The following RAB18 variants were observed in gnomAD, a reference collection of about 807,000 sequenced individuals.
RAB18 encodes the protein ras-related protein Rab-18.
Under a neutral mutation model 28.5 loss-of-function variants are expected in RAB18, and 10 were observed. The ratio of observed to expected loss-of-function variants is 0.35; its 90% CI spans 0.22 to 0.60. The LOEUF (loss-of-function observed/expected upper bound fraction) is 0.60, where lower values mean the gene tolerates loss of function less well. RAB18 is among the 20% of genes least tolerant of loss of function. The pLI is 0.78. For missense variants in RAB18, 188 were observed against 244.2 expected, an observed-to-expected ratio of 0.77 and a Z score of 1.53; for synonymous variants, 93 against 86.9, an observed-to-expected ratio of 1.07 and a Z score of -0.39.
intron 2 of RAB18, among the ~76,000 whole-genome samples, chr10:27,513,081 G>A (rs1210820244): frequency 1.3e-5 from 2 of 148,966 alleles, no homozygotes; most frequent in East Asian, 2.0e-4. Context: ...TGCCCAGGCC[G>A]GAGTGCAGTG....
chr10:27,525,432 T>TTC (rs771748916), intron 2 of RAB18, among the ~76,000 whole-genome samples: 8 of 151,872 alleles, frequency 5.3e-5, no homozygotes, highest in African/African-American at 1.2e-4. Flanking sequence ...CTTTGCTTTT[T>TTC]TTTTTTTAAA....
chr10:27,505,371 T>C (rs895597522), intron 1 of RAB18, among the ~76,000 whole-genome samples: 1 of 152,220 alleles, frequency 6.6e-6, no homozygotes, highest in African/African-American at 2.4e-5. Flanking sequence ...ATATTTTAGC[T>C]ATACCTTCTG....
At chr10:27,525,650 C>T (rs144741617) in intron 2 of RAB18, among the ~76,000 whole-genome samples, 2 of 152,188 alleles carry the variant, frequency 1.3e-5, no homozygotes, top group East Asian at 1.9e-4. Context: ...AATGGTTGCC[C>T]ATCATTCTAG....
chr10:27,521,339 A>G (rs1419261910), intron 2 of RAB18, among the ~76,000 whole-genome samples: 3 of 152,192 alleles, frequency 2.0e-5, no homozygotes, highest in Admixed American at 6.5e-5. Context: ...TACACTATTC[A>G]TAATTGGAAG....
At chr10:27,504,783 G>T (rs141112083) in intron 1 of RAB18, 4 of 543,598 alleles carry the variant, frequency 7.4e-6, no homozygotes, top group Admixed American at 2.3e-5. Flanking sequence ...CCGGCCGGGG[G>T]CGCCTTGCCT....
rs1487982355 is a variant in RAB18, at chr10:27,504,305, C to T, written c.-65C>T. Reference sequence around the variant, plus strand: ...AGCGGCGCGCATGCGCAGCAGCTCACTCTGCTGAAGGGCTGAGAGGCGCAC... The same window carrying T: ...AGCGGCGCGCATGCGCAGCAGCTCATTCTGCTGAAGGGCTGAGAGGCGCAC... On this transcript the variant is annotated 5_prime_UTR_variant, in exon 1 of 7. Coordinates refer to ENST00000356940, the MANE Select transcript of RAB18 (RefSeq NM_021252.5). 2.7e-6 allele frequency: 4 copies of T among 1,484,202 alleles called. No homozygotes were observed. The South Asian group carries it at 4.8e-5, about 18-fold the overall frequency. 91.9% of individuals were successfully genotyped at this position (1,484,202 alleles called of 1,614,324 possible). A position where few individuals can be genotyped will look rare whatever the true frequency, so the allele number is the denominator to read the frequency against.
intron 6 of RAB18, among the ~76,000 whole-genome samples, chr10:27,534,460 C>G (rs1196168154): frequency 6.6e-6 from 1 of 152,238 alleles, no homozygotes; most frequent in East Asian, 1.9e-4. Flanking sequence ...ACAGCCTGGT[C>G]CAAATCTGGC....
Position 27,533,782 on chromosome 10 carries a change from T to C in RAB18, c.307T>C (p.Leu103=), listed in dbSNP as rs777996961. ...RDTFVKLDNW[L]NELETYCTRN... The stretch of plus-strand genomic sequence containing the variant: ...TACATTTGTTAAACTGGATAATTGG[T>C]TAAATGAATTGGAAACATACTGTAC... Residue 103 remains leucine, a synonymous_variant, in exon 5 of 7, where the codon TTA becomes CTA. Coordinates refer to ENST00000356940, the MANE Select transcript of RAB18 (RefSeq NM_021252.5). 3.1e-6 allele frequency: 5 copies of C among 1,613,618 alleles called. No individual in the cohort carries two copies. The Admixed American group carries it at 8.3e-5, about 27-fold the overall frequency.
At chr10:27,513,953 A>G (rs534904287) in intron 2 of RAB18, 2 of 152,348 alleles carry the variant, frequency 1.3e-5, no homozygotes, top group South Asian at 2.1e-4. Flanking sequence ...ATATGTGTCT[A>G]TCTCTATAGC....
Position 27,540,659 on chromosome 10 carries a change from G to C in RAB18, c.*2608G>C. ...CTGACTTAGAAAAGGTACAAAGTTA[G>C]GGGACTTATGGTACCTTCACTTTTT... On this transcript the variant is annotated 3_prime_UTR_variant, in exon 7 of 7. Transcript: ENST00000356940. 1 of 454,028 alleles carries C rather than the reference G, an allele frequency of 2.2e-6. No individual in the cohort carries two copies. The highest frequency in any genetic ancestry group is 4.4e-6 in the Non-Finnish European group (1 of 226,754). The allele number at this position is 454,028 out of a possible 1,614,324, so 28.1% of individuals were successfully genotyped here. A position where few individuals can be genotyped will look rare whatever the true frequency, so the allele number is the denominator to read the frequency against.
chr10:27,511,886 A>T (rs1178649310), intron 2 of RAB18, among the ~76,000 whole-genome samples: 2 of 152,214 alleles, frequency 1.3e-5, no homozygotes, highest in Non-Finnish European at 2.9e-5. Flanking sequence ...TGGTTATCAA[A>T]TGGGGATTTT....
At chr10:27,529,941 A>G (rs1426384931) in intron 3 of RAB18, among the ~76,000 whole-genome samples, 1 of 152,022 alleles carries the variant, frequency 6.6e-6, no homozygotes, top group Non-Finnish European at 1.5e-5. Flanking sequence ...TTCACAAGCA[A>G]AGTTTCAAAG....
intron 2 of RAB18, among the ~76,000 whole-genome samples, chr10:27,512,455 A>ACCTGGGACTACAG (rs1243029811): frequency 2.7e-4 from 41 of 152,074 alleles, no homozygotes; most frequent in Middle Eastern, 3.4e-3. Flanking sequence ...ACAGGCATGC[A>ACCTGGGACTACAG]CCACCACACC....
chr10:27,536,383 T>A (rs184159175), intron 6 of RAB18, among the ~76,000 whole-genome samples: 6 of 152,108 alleles, frequency 3.9e-5, no homozygotes, highest in African/African-American at 1.4e-4. Context: ...TGAGACCTCA[T>A]CTCCAAATAA....
chr10:27,540,736 G>A lies in RAB18; in HGVS notation c.*2685G>A, dbSNP rs1250755206. 1 of 453,994 alleles carries A rather than the reference G, an allele frequency of 2.2e-6. No homozygotes were observed. The highest frequency in any genetic ancestry group is 4.4e-6 in the Non-Finnish European group (1 of 226,718). 28.1% of individuals were successfully genotyped at this position (453,994 alleles called of 1,614,324 possible). A position where few individuals can be genotyped will look rare whatever the true frequency, so the allele number is the denominator to read the frequency against. ...GTAATTTGCTCAAAACTGAAATCTG[G>A]GGTGATGTTTTCATTTCATGTATTT... On this transcript the variant is annotated 3_prime_UTR_variant, in exon 7 of 7. Coordinates refer to ENST00000356940, the MANE Select transcript of RAB18 (RefSeq NM_021252.5).
intron 2 of RAB18, among the ~76,000 whole-genome samples, chr10:27,524,285 T>C (rs1834629678): frequency 6.6e-6 from 1 of 152,142 alleles, no homozygotes; most frequent in Admixed American, 6.5e-5. Flanking sequence ...TCATGTCTAC[T>C]TTTTGAACAT....
In RAB18 at chr10:27,541,311, A is replaced by G; in HGVS notation, c.*3260A>G. 2.2e-6 allele frequency: 1 copy of G among 452,888 alleles called. No individual in the cohort carries two copies. Among genetic ancestry groups the G allele is most frequent in the Non-Finnish European group, 4.4e-6 (1 of 226,612 alleles). The allele number at this position is 452,888 out of a possible 1,614,324, so 28.1% of individuals were successfully genotyped here. ...ACATAGACAGGCTAGCTAAGTCAAG[A>G]CTAGGGGCTAAGGAATATAGAATCA... On this transcript the variant is annotated 3_prime_UTR_variant, in exon 7 of 7. Coordinates refer to ENST00000356940, the MANE Select transcript of RAB18 (RefSeq NM_021252.5).
At chr10:27,527,140 ATCATC>A (rs1252326139) in intron 3 of RAB18, 3 of 577,284 alleles carry the variant, frequency 5.2e-6, no homozygotes, top group African/African-American at 1.9e-5. Context: ...ATATTAAAAA[ATCATC>A]TCATCTGCCA....
At chr10:27,532,641 CTG>C in intron 4 of RAB18, 62 bp downstream of exon 4, 8 of 1,296,938 alleles carry the variant, frequency 6.2e-6, no homozygotes, top group Non-Finnish European at 8.9e-6. Flanking sequence ...TTGTCCTAGT[CTG>C]TGAAAGTTAA....
Sources: allele counts gnomAD v4.1 joint callset (sites outside exome capture counted in the v4.1 genomes callset), GRCh38; gene constraint gnomAD v4.1.1; transcripts MANE v1.5; gene names NCBI Gene and HGNC (gene_info 2026-07-23, HGNC 2026-07-21).